Variants in RNF121 observed in about 807,000 individuals in gnomAD.
RNF121 encodes ring finger protein 121, also known as E3 ubiquitin ligase RNF121.
RNF121 carries 21 observed loss-of-function variants against 46.5 expected under a neutral mutation model. The observed-to-expected ratio is 0.45, with a 90% CI of 0.32 to 0.65. The LOEUF is 0.65. Among genes scored for constraint, RNF121 ranks in the 30% least tolerant of loss-of-function variants. The pLI, the probability that RNF121 is intolerant of heterozygous loss-of-function variation, is 0.04. For synonymous variants in RNF121, 139 were observed against 144.7 expected, an observed-to-expected ratio of 0.96 and a Z score of 0.28; for missense variants, 346 against 416.0, an observed-to-expected ratio of 0.83 and a Z score of 1.46.
intron 1 of RNF121, among the ~76,000 whole-genome samples, chr11:71,932,498 A>G (rs1311691642): frequency 6.6e-5 from 10 of 152,348 alleles, no homozygotes; most frequent in Non-Finnish European, 5.9e-5. Flanking sequence ...TTAAAATTGT[A>G]TCGTCTTAAT....
At chr11:71,961,036 A>G (rs1192151047) in intron 3 of RNF121, 145 bp downstream of exon 3, 1 of 909,960 alleles carries the variant, frequency 1.1e-6, no homozygotes, top group Non-Finnish European at 1.7e-6. Context: ...TGAATAGTGT[A>G]TTGGCGAGTG....
intron 1 of RNF121, among the ~76,000 whole-genome samples, chr11:71,955,437 C>T (rs77964153): frequency 0.022 from 3,351 of 152,194 alleles, 124 homozygotes; most frequent in African/African-American, 0.074. Context: ...ACTGCCAGTC[C>T]ATGGGCTACA....
intron 6 of RNF121, among the ~76,000 whole-genome samples, chr11:71,993,729 A>G (rs1954912567): frequency 6.6e-6 from 1 of 151,578 alleles, no homozygotes; most frequent in Non-Finnish European, 1.5e-5. Flanking sequence ...TTGCTTGGTC[A>G]TTTGGTAATT....
chr11:71,958,593 G>A (rs1954049505), intron 2 of RNF121, among the ~76,000 whole-genome samples: 2 of 152,086 alleles, frequency 1.3e-5, no homozygotes. Flanking sequence ...AGGTGTGGTA[G>A]CTCCCACCTG....
chr11:71,951,015 G>A (rs760497906), intron 1 of RNF121, among the ~76,000 whole-genome samples: 5 of 151,982 alleles, frequency 3.3e-5, no homozygotes, highest in Non-Finnish European at 5.9e-5. Context: ...ACCTGAGGTC[G>A]GCAGTTTGAG....
chr11:71,943,138 G>T (rs1477643046), intron 1 of RNF121, among the ~76,000 whole-genome samples: 1 of 152,230 alleles, frequency 6.6e-6, no homozygotes, highest in Non-Finnish European at 1.5e-5. Flanking sequence ...CCATAGCAGG[G>T]ATAGCAGAGA....
chr11:71,942,019 G>A (rs1331565910), intron 1 of RNF121, among the ~76,000 whole-genome samples: 1 of 148,508 alleles, frequency 6.7e-6, no homozygotes, highest in South Asian at 2.2e-4. Context: ...TGCAAGCTCC[G>A]CCTCCTGGGT....
chr11:71,980,937 C>T (rs1275137704), intron 3 of RNF121, among the ~76,000 whole-genome samples: 2 of 152,072 alleles, frequency 1.3e-5, no homozygotes, highest in Admixed American at 6.5e-5. Flanking sequence ...GAAATGAAAA[C>T]CTGTTTCTTC....
At chr11:71,982,128 A>G (rs369634116) in intron 3 of RNF121, among the ~76,000 whole-genome samples, 2 of 152,042 alleles carry the variant, frequency 1.3e-5, no homozygotes, top group African/African-American at 2.4e-5. Context: ...GGGCCATACC[A>G]TGGGGGATTT....
chr11:71,967,017 A>G (rs7940392), intron 3 of RNF121, among the ~76,000 whole-genome samples: 134,714 of 146,458 alleles, frequency 0.92, 62,240 homozygotes, highest in Non-Finnish European at 0.98. Context: ...GACTACAGGC[A>G]CCCGCCACCG....
rs548297267 is a variant in RNF121, at chr11:71,943,475, A to G, written c.64-13752A>G. Among the ~76,000 whole-genome samples the G allele has an allele frequency of 1.4e-4, 21 of 152,368 alleles. No homozygotes were observed. The East Asian group carries it at 2.1e-3, about 15-fold the overall frequency. ...ATAAGGTAATGCTGTCAGCTTTAAA[A>G]TAATAAAGGCATTTGTTACGCCAGC... On this transcript the variant is annotated intron_variant, in intron 1 of 8. Transcript: ENST00000361756.
intron 1 of RNF121, among the ~76,000 whole-genome samples, chr11:71,946,223 C>T (rs1364820089): frequency 6.6e-6 from 1 of 152,124 alleles, no homozygotes; most frequent in Non-Finnish European, 1.5e-5. Context: ...AAATGTCTAT[C>T]CTCTGATGAA....
chr11:71,958,718 A>G (rs573903318), intron 2 of RNF121, among the ~76,000 whole-genome samples: 19 of 152,266 alleles, frequency 1.2e-4, no homozygotes, highest in East Asian at 3.9e-4. Flanking sequence ...AAAATAATAT[A>G]TGTATATGTA....
intron 3 of RNF121, among the ~76,000 whole-genome samples, chr11:71,967,671 T>C (rs1954318207): frequency 6.6e-6 from 1 of 152,124 alleles, no homozygotes; most frequent in South Asian, 2.1e-4. Flanking sequence ...TCTGCCCACC[T>C]TGGCCTCCCA....
intron 1 of RNF121, among the ~76,000 whole-genome samples, chr11:71,952,893 G>C (rs1201958655): frequency 6.6e-6 from 1 of 152,056 alleles, no homozygotes; most frequent in African/African-American, 2.4e-5. Flanking sequence ...AACATTTTTT[G>C]TGGTGACTAC....
intron 6 of RNF121, among the ~76,000 whole-genome samples, chr11:71,992,096 G>A (rs942677434): frequency 1.3e-5 from 2 of 152,110 alleles, no homozygotes; most frequent in Admixed American, 6.5e-5. Flanking sequence ...AGAGCAAGAC[G>A]TTGTCTCTAA....
At chr11:71,950,790 C>G (rs932699012) in intron 1 of RNF121, among the ~76,000 whole-genome samples, 1 of 151,956 alleles carries the variant, frequency 6.6e-6, no homozygotes, top group Non-Finnish European at 1.5e-5. Context: ...GTAGCTGGGA[C>G]TACAGGCAGC....
chr11:71,967,632 A>G (rs566192257), intron 3 of RNF121, among the ~76,000 whole-genome samples: 109 of 152,200 alleles, frequency 7.2e-4, no homozygotes, highest in African/African-American at 2.5e-3. Context: ...CATGTTGGCC[A>G]GGATAGTCTC....
At chr11:71,955,801 G>T (rs1415840483) in intron 1 of RNF121, among the ~76,000 whole-genome samples, 1 of 152,182 alleles carries the variant, frequency 6.6e-6, no homozygotes, top group Non-Finnish European at 1.5e-5. Context: ...GCCTGCTCAG[G>T]TACCTCCCAT....
Sources: gnomAD v4.1 joint callset for allele counts (sites outside exome capture counted in the v4.1 genomes callset) on GRCh38, gnomAD v4.1.1 for gene constraint, MANE v1.5 for transcripts, NCBI Gene and HGNC (gene_info 2026-07-23, HGNC 2026-07-21) for gene names.